NEK5: variants seen among roughly 807,000 people sequenced by gnomAD.
NEK5 encodes the protein serine/threonine-protein kinase Nek5.
A neutral mutation model predicts 109.2 loss-of-function variants in NEK5; 88 were observed. The observed-to-expected ratio is 0.81, with a 90% confidence interval of 0.68 to 0.96. NEK5 has a LOEUF of 0.96. NEK5 is among the 40% of genes least tolerant of loss of function. The probability of loss-of-function intolerance (pLI) is 0.00; values close to 1 mark genes in which losing one functional copy is unlikely to be tolerated. For synonymous variants in NEK5, 283 were observed against 299.9 expected, an observed-to-expected ratio of 0.94 and a Z score of 0.58; for missense variants, 834 against 920.7, an observed-to-expected ratio of 0.91 and a Z score of 1.22.
chr13:52,102,576 C>T (rs554656085), intron 9 of NEK5, among the ~76,000 whole-genome samples: 1 of 152,202 alleles, frequency 6.6e-6, no homozygotes, highest in African/African-American at 2.4e-5. Context: ...GCCTGTGGTC[C>T]CAGCTACTTG....
At chr13:52,083,838 T>C (rs964804571) in intron 16 of NEK5, among the ~76,000 whole-genome samples, 4 of 152,216 alleles carry the variant, frequency 2.6e-5, no homozygotes, top group African/African-American at 9.6e-5. Context: ...GCCTGACCAA[T>C]GTCTGCTATC....
At chr13:52,061,449 T>C (rs746423626) in intron 22 of NEK5, among the ~76,000 whole-genome samples, 1 of 152,136 alleles carries the variant, frequency 6.6e-6, no homozygotes, top group Non-Finnish European at 1.5e-5. Flanking sequence ...ACAAATGATA[T>C]TATGTTGTAT....
rs755074766 is a variant in NEK5, at chr13:52,104,473, T to A, written c.609+25A>T. 5 of 1,512,758 alleles carry A rather than the reference T, an allele frequency of 3.3e-6. No homozygotes were observed. The Admixed American group carries it at 5.0e-5, about 15-fold the overall frequency. 93.7% of individuals were successfully genotyped at this position (1,512,758 alleles called of 1,614,324 possible). A position where few individuals can be genotyped will look rare whatever the true frequency, so the allele number is the denominator to read the frequency against. On this transcript the variant is annotated intron_variant, in intron 9 of 23. Transcript: ENST00000684899. The stretch of plus-strand genomic sequence containing the variant: ...TTTCTACAATTCCAATAATTCAAGA[T>A]TAGTCTGACAATGAGCATACTTACA...
intron 22 of NEK5, among the ~76,000 whole-genome samples, chr13:52,061,115 T>G (rs1954610508): frequency 6.6e-6 from 1 of 152,158 alleles, no homozygotes; most frequent in Non-Finnish European, 1.5e-5. Context: ...TGGAAGACAA[T>G]TTTTCCATGG....
chr13:52,064,094 T>C (rs1255567508), intron 21 of NEK5, among the ~76,000 whole-genome samples: 1 of 117,904 alleles, frequency 8.5e-6, no homozygotes, highest in Non-Finnish European at 1.7e-5. Context: ...ATCCGGGAGG[T>C]GAGGGGTGCC....
chr13:52,098,050 T>C (rs1182124878), intron 12 of NEK5, among the ~76,000 whole-genome samples: 1 of 152,172 alleles, frequency 6.6e-6, no homozygotes, highest in African/African-American at 2.4e-5. Context: ...CTTCCCCTTC[T>C]GCCATGATTA....
chr13:52,111,978 T>C (rs1402692154), intron 5 of NEK5, among the ~76,000 whole-genome samples: 1 of 152,214 alleles, frequency 6.6e-6, no homozygotes. Flanking sequence ...ATTCAGATTT[T>C]TTTTTAACCA....
Position 52,118,277 on chromosome 13 carries a change from T to C in NEK5, c.214+1042A>G, listed in dbSNP as rs181800492. 2.7e-4 allele frequency among the ~76,000 whole-genome samples: 41 copies of C among 152,330 alleles called. No homozygotes were observed. In the East Asian group the frequency reaches 6.9e-3, roughly 26 times the overall value. On this transcript the variant is annotated intron_variant, in intron 4 of 23. Coordinates refer to ENST00000684899, the MANE Select transcript of NEK5 (RefSeq NM_001365552.1). The stretch of plus-strand genomic sequence containing the variant: ...CTAATTATCAGTCTTAAAACAGCCC[T>C]GCGCTGGGGGCTGGGCTGGGGAATG...
intron 21 of NEK5, among the ~76,000 whole-genome samples, chr13:52,062,356 A>C (rs1954620390): frequency 6.6e-6 from 1 of 152,134 alleles, no homozygotes; most frequent in Admixed American, 6.5e-5. Flanking sequence ...TAAGTAATAA[A>C]AATCTTTACC....
intron 3 of NEK5, among the ~76,000 whole-genome samples, chr13:52,121,224 T>A (rs1805663628): frequency 1.3e-5 from 2 of 151,296 alleles, no homozygotes; most frequent in African/African-American, 4.9e-5. Context: ...AGTGGCATGA[T>A]CTTGGTTCAC....
At chr13:52,093,396 C>T (rs1452076427) in intron 12 of NEK5, among the ~76,000 whole-genome samples, 161 bp from the exon 13 acceptor site, 1 of 151,966 alleles carries the variant, frequency 6.6e-6, no homozygotes, top group Non-Finnish European at 1.5e-5. Flanking sequence ...CTCGTCTGTA[C>T]TAAAAATACA....
chr13:52,075,069 T>A (rs1386424914), intron 19 of NEK5, among the ~76,000 whole-genome samples: 1 of 152,188 alleles, frequency 6.6e-6, no homozygotes, highest in East Asian at 1.9e-4. Context: ...GCAGTTTGGA[T>A]ATTTCTCAAA....
intron 23 of NEK5, among the ~76,000 whole-genome samples, chr13:52,040,376 C>A (rs924300030): frequency 6.6e-6 from 1 of 152,090 alleles, no homozygotes; most frequent in African/African-American, 2.4e-5. Flanking sequence ...TGAGCCACTG[C>A]ACCCAGCCTC....
At chr13:52,116,547 G>A (rs1955860767) in intron 4 of NEK5, among the ~76,000 whole-genome samples, 1 of 152,130 alleles carries the variant, frequency 6.6e-6, no homozygotes. Flanking sequence ...AGAGGACCAT[G>A]AGCCACAGAT....
chr13:52,097,999 T>C (rs1334439369), intron 12 of NEK5, among the ~76,000 whole-genome samples: 2 of 152,162 alleles, frequency 1.3e-5, no homozygotes, highest in Non-Finnish European at 2.9e-5. Flanking sequence ...ACCTCCCCCT[T>C]TGCTCTCTTT....
At chr13:52,115,826 A>G (rs1955847293) in intron 4 of NEK5, among the ~76,000 whole-genome samples, 1 of 152,036 alleles carries the variant, frequency 6.6e-6, no homozygotes, top group Admixed American at 6.6e-5. Flanking sequence ...TATTTGTCAA[A>G]TTCCAACATT....
At chr13:52,093,630 A>G (rs961000742) in intron 12 of NEK5, among the ~76,000 whole-genome samples, 6 of 152,168 alleles carry the variant, frequency 3.9e-5, no homozygotes, top group African/African-American at 1.2e-4. Flanking sequence ...AAGATAAGGC[A>G]CTGAAGGTGT....
chr13:52,087,928 C>CTT (rs758944022), intron 14 of NEK5, among the ~76,000 whole-genome samples: 128 of 110,310 alleles, frequency 1.2e-3, no homozygotes, highest in African/African-American at 3.9e-3. Flanking sequence ...CCCAGCCTTT[C>CTT]TTTTTTTTTT....
At chr13:52,048,853 G>A (rs1177371906) in intron 23 of NEK5, among the ~76,000 whole-genome samples, 2 of 152,198 alleles carry the variant, frequency 1.3e-5, no homozygotes, top group Non-Finnish European at 2.9e-5. Flanking sequence ...GCCAGGAGAT[G>A]TTGGTCAAAG....
Sources: gnomAD v4.1 joint callset for allele counts (sites outside exome capture counted in the v4.1 genomes callset) on GRCh38, gnomAD v4.1.1 for gene constraint, MANE v1.5 for transcripts, NCBI Gene and HGNC (gene_info 2026-07-23, HGNC 2026-07-21) for gene names.